TPD52L3: variants seen among roughly 807,000 people sequenced by gnomAD.
TPD52L3 encodes the protein tumor protein D55.
A neutral mutation model predicts 8.7 loss-of-function variants in TPD52L3; 12 were observed. The observed-to-expected ratio is 1.38, with a 90% CI of 0.89 to 2.24. TPD52L3 has a LOEUF of 2.24. Ranked by LOEUF, TPD52L3 falls within the 30% of genes most tolerant of loss-of-function variation. The probability of loss-of-function intolerance (pLI) is 0.00; values close to 1 mark genes in which losing one functional copy is unlikely to be tolerated. For missense variants in TPD52L3, 207 were observed against 158.7 expected, an observed-to-expected ratio of 1.30 and a Z score of -1.64; for synonymous variants, 79 against 66.8, an observed-to-expected ratio of 1.18 and a Z score of -0.89.
intron 1 of TPD52L3, chr9:6,330,663 A>G: frequency 8.3e-7 from 1 of 1,201,610 alleles, no homozygotes; most frequent in Non-Finnish European, 1.0e-6. Context: ...ATGTTTTACT[A>G]TTTTGCATGT....
intron 1 of TPD52L3, 143 bp downstream of exon 1, chr9:6,329,105 A>G (rs1818090688): frequency 6.5e-7 from 1 of 1,538,528 alleles, no homozygotes. Flanking sequence ...GGGAGTGGGA[A>G]TGAGCCACTC....
intron 1 of TPD52L3, 84 bp downstream of exon 1, chr9:6,329,046 T>G: frequency 6.2e-7 from 1 of 1,603,832 alleles, no homozygotes; most frequent in Non-Finnish European, 8.5e-7. Flanking sequence ...AGGGTGGGGT[T>G]GATCTGCTCT....
chr9:6,330,834 T>C, intron 1 of TPD52L3, 142 bp from the exon 2 acceptor site: 1 of 1,436,340 alleles, frequency 7.0e-7, no homozygotes, highest in Non-Finnish European at 9.1e-7. Flanking sequence ...ACTATTATCA[T>C]GGGCCAAACC....
intron 1 of TPD52L3, chr9:6,330,713 T>C: frequency 8.0e-7 from 1 of 1,254,486 alleles, no homozygotes. Context: ...CAAAATGGCT[T>C]TGTATGCTGG....
At chr9:6,330,929 G>A (rs1818139428) in intron 1 of TPD52L3, 47 bp from the exon 2 acceptor site, 1 of 1,606,612 alleles carries the variant, frequency 6.2e-7, no homozygotes, top group Admixed American at 1.7e-5. Context: ...AAGTAGTAAA[G>A]TACATATTTA....
rs567125166 is a variant in TPD52L3 at position 6,329,390 on chromosome 9, T to C, written c.367+428T>C. On this transcript the variant is annotated intron_variant, in intron 1 of 1. Coordinates refer to ENST00000314556, the MANE Select transcript of TPD52L3 (RefSeq NM_001001874.3). Reference sequence around the variant, plus strand: ...CCTGGTTATTTTTCACTTAAGTTTGTAGACGAAATGTGCCATTATATTAGC... The same window carrying C: ...CCTGGTTATTTTTCACTTAAGTTTGCAGACGAAATGTGCCATTATATTAGC... 6.6e-6 allele frequency: 7 copies of C among 1,066,534 alleles called. No individual in the cohort carries two copies. The Admixed American group carries it at 1.5e-4, about 22-fold the overall frequency. The allele number at this position is 1,066,534 out of a possible 1,614,324, so 66.1% of individuals were successfully genotyped here.
At position 6,328,584 on chromosome 9, in the gene TPD52L3, C is replaced by T; in HGVS notation, c.-12C>T. ...CCTGGACTCTCTTAACGAAGATCTT[C>T]TTTCCCAGTCCATGCCACATGCCAG... On this transcript the variant is annotated 5_prime_UTR_variant, in exon 1 of 2. Transcript: ENST00000314556. The T allele has an allele frequency of 6.2e-7, 1 of 1,610,128 alleles. No homozygotes were observed. Among genetic ancestry groups the T allele is most frequent in the South Asian group, 1.1e-5 (1 of 90,864 alleles).
At position 6,328,839 on chromosome 9, in the gene TPD52L3, G is replaced by C. The variant is rs201510893; in HGVS notation, c.244G>C (p.Asp82His). 1.3e-4 allele frequency: 205 copies of C among 1,614,218 alleles called. No individual in the cohort carries two copies. Among genetic ancestry groups the C allele is most frequent in the Admixed American group, 1.1e-3 (65 of 60,030 alleles). ...LRQNLSKSWL[D>H]VQVSNTYVKQ... ...ACAGAATCTGTCCAAGAGCTGGCTTGATGTTCAGGTCTCCAACACCTATGT... is the reference window on the plus strand; with the variant it reads ...ACAGAATCTGTCCAAGAGCTGGCTTCATGTTCAGGTCTCCAACACCTATGT... The change falls in exon 1 of 2, where the codon GAT becomes CAT. Residue 82 changes from aspartate to histidine, a missense_variant. Physicochemically the swap from Asp to His is moderately conservative, Grantham distance 81. Transcript: ENST00000314556.
chr9:6,329,228 T>C (rs1818094085), intron 1 of TPD52L3: 2 of 1,377,436 alleles, frequency 1.5e-6, no homozygotes, highest in African/African-American at 1.5e-5. Context: ...CTTATTACAT[T>C]TGCAACTCTG....
intron 1 of TPD52L3, 31 bp from the exon 2 acceptor site, chr9:6,330,945 G>A: frequency 6.2e-7 from 1 of 1,608,242 alleles, no homozygotes; most frequent in Non-Finnish European, 8.5e-7. Context: ...ATTTATTTTT[G>A]CTGATCATTG....
Position 6,328,972 on chromosome 9 carries a change from G to A in TPD52L3, c.367+10G>A. On this transcript the variant is annotated intron_variant, in intron 1 of 1. Transcript: ENST00000314556. ...TTCAGATCTTTTGAAGGTCTGATGG[G>A]GACAATCAAGTCCAAAGTCTCAGGG... is the stretch of plus-strand genomic sequence containing the variant. The A allele has an allele frequency of 6.2e-7, 1 of 1,614,150 alleles. No homozygotes were observed. The highest frequency in any genetic ancestry group is 8.5e-7 in the Non-Finnish European group (1 of 1,180,028).
rs1289138172 is a variant in TPD52L3 at position 6,328,712 on chromosome 9, G to T, written c.117G>T (p.Leu39Phe). 3 of 1,614,148 alleles carry T rather than the reference G, an allele frequency of 1.9e-6. No individual in the cohort carries two copies. Among genetic ancestry groups the T allele is most frequent in the Non-Finnish European group, 2.5e-6 (3 of 1,180,040 alleles). ...QRELKTKLTK[L>F]EAEIVTLRHV... Reference sequence around the variant, plus strand: ...AGCTCAAAACCAAACTCACTAAATTGGAGGCTGAAATTGTAACCCTACGCC... The same window carrying T: ...AGCTCAAAACCAAACTCACTAAATTTGAGGCTGAAATTGTAACCCTACGCC... Residue 39 changes from leucine (L) to phenylalanine (F), a missense_variant, in exon 1 of 2, where the codon TTG (leucine) becomes TTT (phenylalanine). By Grantham distance (22) the Leu-to-Phe change is conservative. Coordinates refer to ENST00000314556, the MANE Select transcript of TPD52L3 (RefSeq NM_001001874.3).
rs748866654 is a variant in TPD52L3 at position 6,328,551 on chromosome 9, G to T, written c.-45G>T. ...CCAATAATTCGACTCTTTCTACCAA[G>T]AATTGGACCTGGACTCTCTTAACGA... is the stretch of plus-strand genomic sequence containing the variant. On this transcript the variant is annotated 5_prime_UTR_variant, in exon 1 of 2. Coordinates refer to ENST00000314556, the MANE Select transcript of TPD52L3 (RefSeq NM_001001874.3). The T allele has an allele frequency of 1.3e-6, 2 of 1,584,008 alleles. No individual in the cohort carries two copies. Among genetic ancestry groups the T allele is most frequent in the Non-Finnish European group, 1.7e-6 (2 of 1,168,120 alleles).
chr9:6,328,768 G>A lies in TPD52L3; in HGVS notation c.173G>A (p.Gly58Glu), dbSNP rs768904030. Reference sequence around the variant, plus strand: ...CTAGCAGCCAAAGAGAGACGCTGTGGGGAACTCAAGAGGAAGTTAGGCCTC... The same window carrying A: ...CTAGCAGCCAAAGAGAGACGCTGTGAGGAACTCAAGAGGAAGTTAGGCCTC... ...HVLAAKERRC[G>E]ELKRKLGLTA... The change falls in exon 1 of 2, where the codon GGG (glycine) becomes GAG (glutamate). Residue 58 changes from glycine (G) to glutamate (E), a missense_variant. Transcript: ENST00000314556. 3.7e-6 allele frequency: 6 copies of A among 1,614,158 alleles called. No homozygotes were observed. Among genetic ancestry groups the A allele is most frequent in the Non-Finnish European group, 5.1e-6 (6 of 1,180,038 alleles).
At position 6,328,859 on chromosome 9, in the gene TPD52L3, C is replaced by T; in HGVS notation, c.264C>T (p.Thr88=). Residue 88 remains threonine (T), a synonymous_variant, in exon 1 of 2, where the codon ACC becomes ACT. Coordinates refer to ENST00000314556, the MANE Select transcript of TPD52L3 (RefSeq NM_001001874.3). ...GGCTTGATGTTCAGGTCTCCAACAC[C>T]TATGTGAAACAGAAGACATCAGCTG... ...KSWLDVQVSN[T]YVKQKTSAAL... is the part of the protein sequence containing the mutation. 6.2e-7 allele frequency: 1 copy of T among 1,614,180 alleles called. No homozygotes were observed. Among genetic ancestry groups the T allele is most frequent in the Non-Finnish European group, 8.5e-7 (1 of 1,180,032 alleles).
intron 1 of TPD52L3, chr9:6,329,816 T>G (rs1262969673): frequency 2.8e-6 from 3 of 1,081,388 alleles, no homozygotes; most frequent in Non-Finnish European, 3.4e-6. Flanking sequence ...AGTGTCAGTT[T>G]AGGAAATTAT....
Position 6,328,591 on chromosome 9 carries a change from A to G in TPD52L3, c.-5A>G, listed in dbSNP as rs1402261340. 6 of 1,611,238 alleles carry G rather than the reference A, an allele frequency of 3.7e-6. No individual in the cohort carries two copies. Among genetic ancestry groups the G allele is most frequent in the Non-Finnish European group, 5.1e-6 (6 of 1,179,238 alleles). On this transcript the variant is annotated 5_prime_UTR_variant, in exon 1 of 2. Coordinates refer to ENST00000314556, the MANE Select transcript of TPD52L3 (RefSeq NM_001001874.3). Reference sequence around the variant, plus strand: ...TCTCTTAACGAAGATCTTCTTTCCCAGTCCATGCCACATGCCAGGACAGAG... The same window carrying G: ...TCTCTTAACGAAGATCTTCTTTCCCGGTCCATGCCACATGCCAGGACAGAG...
intron 1 of TPD52L3, chr9:6,329,967 G>A (rs982546298): frequency 7.6e-7 from 1 of 1,321,960 alleles, no homozygotes; most frequent in African/African-American, 1.5e-5. Flanking sequence ...TTAAAAGGAA[G>A]AAATTGCCTC....
At chr9:6,329,574 T>G (rs532485025) in intron 1 of TPD52L3, 1 of 1,001,746 alleles carries the variant, frequency 1.0e-6, no homozygotes, top group East Asian at 1.1e-4. Flanking sequence ...TTTTTTTGGT[T>G]TGTTTGTTTG....
Sources: allele counts gnomAD v4.1 joint callset, GRCh38; gene constraint gnomAD v4.1.1; transcripts MANE v1.5; gene names NCBI Gene and HGNC (gene_info 2026-07-23, HGNC 2026-07-21).